Variants in MEIS2 observed in about 807,000 individuals in gnomAD.
MEIS2 encodes Meis homeobox 2.
Under a neutral mutation model 58.6 loss-of-function variants are expected in MEIS2, and 9 were observed. The ratio of observed to expected loss-of-function variants is 0.15; its 90% confidence interval spans 0.09 to 0.27. The LOEUF (loss-of-function observed/expected upper bound fraction) is 0.27, where lower values mean the gene tolerates loss of function less well. Among genes scored for constraint, MEIS2 ranks in the 10% least tolerant of loss-of-function variants. The probability of loss-of-function intolerance (pLI) is 1.00; values close to 1 mark genes in which losing one functional copy is unlikely to be tolerated. For missense variants in MEIS2, 427 were observed against 635.0 expected, an observed-to-expected ratio of 0.67 and a Z score of 3.52; for synonymous variants, 221 against 228.4, an observed-to-expected ratio of 0.97 and a Z score of 0.29.
At chr15:36,968,609 T>C (rs1296984164) in intron 8 of MEIS2, among the ~76,000 whole-genome samples, 1 of 152,198 alleles carries the variant, frequency 6.6e-6, no homozygotes, top group Non-Finnish European at 1.5e-5. Flanking sequence ...TCAGCAAAAC[T>C]AGAGAATTCA....
chr15:37,010,141 G>A (rs1014640480), intron 8 of MEIS2, among the ~76,000 whole-genome samples: 2 of 151,984 alleles, frequency 1.3e-5, no homozygotes. Context: ...AGGCTGGAGT[G>A]CAGTGGCGCG....
intron 11 of MEIS2, chr15:36,894,514 G>A: frequency 9.4e-6 from 4 of 423,414 alleles, no homozygotes; most frequent in Non-Finnish European, 1.7e-5. Flanking sequence ...AACACACGCA[G>A]GCTTGTCAGT....
intron 8 of MEIS2, among the ~76,000 whole-genome samples, chr15:36,965,278 T>C (rs1451061503): frequency 6.6e-6 from 1 of 152,222 alleles, no homozygotes; most frequent in Non-Finnish European, 1.5e-5. Flanking sequence ...ACACTGAAGA[T>C]TTGATTATAC....
At chr15:36,989,652 A>C (rs2141545871) in intron 8 of MEIS2, among the ~76,000 whole-genome samples, 1 of 152,358 alleles carries the variant, frequency 6.6e-6, no homozygotes, top group East Asian at 1.9e-4. Context: ...AATCACATAA[A>C]TATAGCTACT....
intron 8 of MEIS2, among the ~76,000 whole-genome samples, chr15:37,023,770 G>C (rs984701055): frequency 6.6e-6 from 1 of 151,982 alleles, no homozygotes; most frequent in Non-Finnish European, 1.5e-5. Context: ...CATCACCCTC[G>C]CCACAGTTCC....
intron 8 of MEIS2, among the ~76,000 whole-genome samples, chr15:37,033,842 T>C (rs777897335): frequency 1.3e-5 from 2 of 152,146 alleles, no homozygotes; most frequent in Non-Finnish European, 2.9e-5. Flanking sequence ...TTTCAGCTCA[T>C]TAAAGATTGG....
intron 8 of MEIS2, among the ~76,000 whole-genome samples, chr15:36,963,182 C>G (rs568200763): frequency 5.9e-5 from 9 of 152,172 alleles, no homozygotes; most frequent in African/African-American, 2.2e-4. Context: ...CGAGACCAGC[C>G]TGGCCAACAT....
Position 36,896,394 on chromosome 15 carries a change from T to C in MEIS2, c.1036+234A>G, listed in dbSNP as rs1017160477. On this transcript the variant is annotated intron_variant, in intron 10 of 11. Coordinates refer to ENST00000561208, the MANE Select transcript of MEIS2 (RefSeq NM_170675.5). ...TTGTGGCATTAATACCTGTGCCCAATTACCAATTCAGAAAGAAAATAAAAA... is the reference window on the plus strand; with the variant it reads ...TTGTGGCATTAATACCTGTGCCCAACTACCAATTCAGAAAGAAAATAAAAA... Among the ~76,000 whole-genome samples, 7 of 152,162 alleles carry C rather than the reference T, an allele frequency of 4.6e-5. No individual in the cohort carries two copies. The East Asian group carries it at 1.2e-3, about 25-fold the overall frequency.
At position 37,072,888 on chromosome 15, in the gene MEIS2, T is replaced by A. The variant is rs939491415; in HGVS notation, c.754+10883A>T. Among the ~76,000 whole-genome samples, 3 of 152,138 alleles carry A rather than the reference T, an allele frequency of 2.0e-5. No homozygotes were observed. In the East Asian group the frequency reaches 5.8e-4, roughly 29 times the overall value. ...AATTTTGTGAAGACTTCCACAGATG[T>A]TTCAGACAGAAGTAATCACTCCCTC... On this transcript the variant is annotated intron_variant, in intron 7 of 11. Coordinates refer to ENST00000561208, the MANE Select transcript of MEIS2 (RefSeq NM_170675.5).
At chr15:37,076,032 T>A (rs756075881) in intron 7 of MEIS2, among the ~76,000 whole-genome samples, 1 of 152,084 alleles carries the variant, frequency 6.6e-6, no homozygotes, top group Non-Finnish European at 1.5e-5. Flanking sequence ...GCTTTTTTGC[T>A]GGTCCTCAGA....
chr15:37,060,209 G>A (rs1889019896), intron 7 of MEIS2, among the ~76,000 whole-genome samples: 1 of 152,108 alleles, frequency 6.6e-6, no homozygotes, highest in Non-Finnish European at 1.5e-5. Flanking sequence ...CCAAAGCACT[G>A]GGATTACAGG....
At chr15:37,085,199 A>T (rs957127685) in intron 6 of MEIS2, among the ~76,000 whole-genome samples, 28 of 152,310 alleles carry the variant, frequency 1.8e-4, no homozygotes, top group Middle Eastern at 3.4e-3. Flanking sequence ...TCACTAAAAA[A>T]ACCAATCAAA....
At chr15:36,936,296 C>A (rs879564678) in intron 9 of MEIS2, among the ~76,000 whole-genome samples, 1 of 150,974 alleles carries the variant, frequency 6.6e-6, no homozygotes, top group Non-Finnish European at 1.5e-5. Flanking sequence ...CCGGGGTTCA[C>A]GCCTTTCTCC....
chr15:36,980,114 T>A (rs2059885123), intron 8 of MEIS2, among the ~76,000 whole-genome samples: 1 of 152,044 alleles, frequency 6.6e-6, no homozygotes, highest in Admixed American at 6.6e-5. Context: ...TTCTAACTTA[T>A]TTGTAAGAGT....
chr15:36,953,100 G>T (rs1477376270), intron 8 of MEIS2, among the ~76,000 whole-genome samples: 1 of 151,954 alleles, frequency 6.6e-6, no homozygotes, highest in African/African-American at 2.4e-5. Flanking sequence ...AAGTGCTCTG[G>T]CAATCAGCCA....
chr15:36,965,908 T>C (rs1418071286), intron 8 of MEIS2, among the ~76,000 whole-genome samples: 1 of 152,154 alleles, frequency 6.6e-6, no homozygotes, highest in African/African-American at 2.4e-5. Context: ...TATAAAGAAA[T>C]TCAGGCTATA....
At position 36,930,531 on chromosome 15, in the gene MEIS2, T is replaced by C. The variant is rs577433895; in HGVS notation, c.977+19793A>G. ...ATGAGCGATATGCATTATCGCTCAT[T>C]CCTCATTCCCATGTCCTCGGCGTCT... On this transcript the variant is annotated intron_variant, in intron 9 of 11. Transcript: ENST00000561208. 3.9e-5 allele frequency among the ~76,000 whole-genome samples: 6 copies of C among 152,312 alleles called. No individual in the cohort carries two copies. The East Asian group carries it at 1.2e-3, about 29-fold the overall frequency.
intron 2 of MEIS2, 100 bp downstream of exon 2, chr15:37,097,867 A>G (rs1894485855): frequency 6.2e-6 from 9 of 1,448,130 alleles, no homozygotes; most frequent in Non-Finnish European, 8.2e-6. Context: ...ACCATACAGA[A>G]GTAACTCCCC....
intron 9 of MEIS2, 136 bp downstream of exon 9, chr15:36,950,188 C>T (rs2058706566): frequency 1.4e-6 from 1 of 712,582 alleles, no homozygotes; most frequent in Admixed American, 2.7e-5. Flanking sequence ...ACCCCTTTCA[C>T]ACCTCGAGGT....
Sources: allele counts gnomAD v4.1 joint callset (sites outside exome capture counted in the v4.1 genomes callset), GRCh38; gene constraint gnomAD v4.1.1; transcripts MANE v1.5; gene names NCBI Gene and HGNC (gene_info 2026-07-23, HGNC 2026-07-21).